MITF: variants seen among roughly 807,000 people sequenced by gnomAD.
The protein encoded by MITF is microphthalmia-associated transcription factor.
A neutral mutation model predicts 60.5 loss-of-function variants in MITF; 17 were observed. The ratio of observed to expected loss-of-function variants is 0.28; its 90% CI spans 0.19 to 0.42. The LOEUF (loss-of-function observed/expected upper bound fraction) is 0.42, where lower values mean the gene tolerates loss of function less well. MITF is among the 10% of genes least tolerant of loss of function. The pLI is 1.00. For synonymous variants in MITF, 260 were observed against 248.5 expected (o/e 1.05, Z -0.43); for missense variants, 622 against 683.5 (o/e 0.91, Z 1.00).
chr3:69,855,260 C>CAAAAAAAAA (rs33962275), intron 1 of MITF, among the ~76,000 whole-genome samples: 1 of 84,604 alleles, frequency 1.2e-5, no homozygotes, highest in Non-Finnish European at 2.3e-5. Flanking sequence ...TTCCCATAAG[C>CAAAAAAAAA]AAAAAAAAAA....
At chr3:69,862,398 A>G (rs890621398) in intron 1 of MITF, among the ~76,000 whole-genome samples, 29 of 152,180 alleles carry the variant, frequency 1.9e-4, no homozygotes, top group Non-Finnish European at 1.5e-5. Context: ...AGCACATAGT[A>G]AGCTCTCAAG....
intron 1 of MITF, among the ~76,000 whole-genome samples, chr3:69,839,726 A>G (rs1253820917): frequency 1.3e-5 from 2 of 152,000 alleles, no homozygotes; most frequent in Non-Finnish European, 2.9e-5. Flanking sequence ...ATTAATGTTC[A>G]GTACCCACGA....
chr3:69,836,435 A>G (rs1383511755), intron 1 of MITF, among the ~76,000 whole-genome samples: 1 of 152,234 alleles, frequency 6.6e-6, no homozygotes, highest in African/African-American at 2.4e-5. Flanking sequence ...AAATTTAACC[A>G]GATGTCTGGT....
chr3:69,811,865 G>A (rs1575750879), intron 1 of MITF, among the ~76,000 whole-genome samples: 1 of 152,254 alleles, frequency 6.6e-6, no homozygotes, highest in African/African-American at 2.4e-5. Context: ...CATTCCACAG[G>A]GCTGCAACTC....
intron 1 of MITF, among the ~76,000 whole-genome samples, chr3:69,871,017 C>T (rs1345495844): frequency 6.6e-6 from 1 of 152,146 alleles, no homozygotes; most frequent in Non-Finnish European, 1.5e-5. Context: ...GATTGGCCCT[C>T]GTGAAGTCCT....
chr3:69,891,200 A>G (rs1490226666), intron 2 of MITF, among the ~76,000 whole-genome samples: 1 of 152,206 alleles, frequency 6.6e-6, no homozygotes, highest in Admixed American at 6.5e-5. Flanking sequence ...AATTAGAAGA[A>G]TCTTGATAGA....
At chr3:69,848,025 C>T (rs1020259421) in intron 1 of MITF, among the ~76,000 whole-genome samples, 1 of 152,262 alleles carries the variant, frequency 6.6e-6, no homozygotes, top group Non-Finnish European at 1.5e-5. Context: ...TGTTCATGAA[C>T]GATTAGGTTT....
intron 2 of MITF, among the ~76,000 whole-genome samples, chr3:69,914,519 T>TTCA (rs757290114): frequency 1.2e-4 from 19 of 152,202 alleles, no homozygotes; most frequent in Non-Finnish European, 2.5e-4. Flanking sequence ...AACCTGCCAC[T>TTCA]TCATCGTGCA....
chr3:69,933,834 C>T (rs2065775083), intron 2 of MITF, among the ~76,000 whole-genome samples: 1 of 152,100 alleles, frequency 6.6e-6, no homozygotes, highest in Non-Finnish European at 1.5e-5. Flanking sequence ...CATATATGTT[C>T]TCATTTGCAT....
Position 69,965,653 on chromosome 3 carries a change from G to C in MITF, c.*405G>C. ...TGAAAGAATGTAAAGCAACCAAAAA[G>C]AAAAAAAAAAAGAAAGAAAGAGGAA... is the stretch of plus-strand genomic sequence containing the variant. On this transcript the variant is annotated 3_prime_UTR_variant, in exon 10 of 10. Transcript: ENST00000352241. 1.0e-5 allele frequency: 2 copies of C among 193,864 alleles called. No homozygotes were observed. Among genetic ancestry groups the C allele is most frequent in the South Asian group, 1.8e-4 (1 of 5,702 alleles). The allele number at this position is 193,864 out of a possible 1,614,324, so 12.0% of individuals were successfully genotyped here.
chr3:69,848,957 CTTTTTTTTTTTTTTTT>C (rs55969316), intron 1 of MITF, among the ~76,000 whole-genome samples: 3 of 73,302 alleles, frequency 4.1e-5, no homozygotes, highest in Admixed American at 3.9e-4. Context: ...AAAGATTCTT[CTTTTTTTTTTTTTTTT>C]TTTTTTTTTG....
At chr3:69,795,505 C>T (rs1474089812) in intron 1 of MITF, among the ~76,000 whole-genome samples, 1 of 152,006 alleles carries the variant, frequency 6.6e-6, no homozygotes, top group East Asian at 1.9e-4. Flanking sequence ...GTGGGAGGAT[C>T]TCCTGAGCCC....
chr3:69,759,315 T>G (rs2062177038), intron 1 of MITF, among the ~76,000 whole-genome samples: 1 of 152,182 alleles, frequency 6.6e-6, no homozygotes, highest in Non-Finnish European at 1.5e-5. Context: ...GCACTAAACT[T>G]TGGTGCCATA....
intron 2 of MITF, among the ~76,000 whole-genome samples, chr3:69,880,816 T>C (rs572677146): frequency 1.3e-5 from 2 of 152,216 alleles, no homozygotes; most frequent in East Asian, 1.9e-4. Context: ...GAAATATGTC[T>C]ATTTTATTCA....
At chr3:69,922,839 A>G (rs2065498382) in intron 2 of MITF, among the ~76,000 whole-genome samples, 1 of 152,202 alleles carries the variant, frequency 6.6e-6, no homozygotes. Context: ...CTCACAAAGA[A>G]AGAAAGAAAG....
chr3:69,891,297 C>T (rs1320319568), intron 2 of MITF, among the ~76,000 whole-genome samples: 1 of 152,128 alleles, frequency 6.6e-6, no homozygotes. Flanking sequence ...AGAGGGAAGA[C>T]AAATTGAACA....
At chr3:69,759,553 T>C (rs2062180241) in intron 1 of MITF, among the ~76,000 whole-genome samples, 1 of 152,210 alleles carries the variant, frequency 6.6e-6, no homozygotes, top group East Asian at 1.9e-4. Context: ...TGATTTTGGG[T>C]TTACAAATCA....
chr3:69,864,013 A>G (rs2107221024), intron 1 of MITF, among the ~76,000 whole-genome samples: 1 of 152,282 alleles, frequency 6.6e-6, no homozygotes, highest in South Asian at 2.1e-4. Context: ...ATATTAATAC[A>G]GGACAGGTAG....
intron 1 of MITF, among the ~76,000 whole-genome samples, chr3:69,847,902 C>A (rs536949519): frequency 6.6e-6 from 1 of 152,198 alleles, no homozygotes; most frequent in African/African-American, 2.4e-5. Flanking sequence ...CTACCATGTT[C>A]CCAATCCCAC....
Sources: allele counts gnomAD v4.1 joint callset (sites outside exome capture counted in the v4.1 genomes callset), GRCh38; gene constraint gnomAD v4.1.1; transcripts MANE v1.5; gene names NCBI Gene and HGNC (gene_info 2026-07-23, HGNC 2026-07-21).